Variants in FSTL4 observed in about 807,000 individuals in gnomAD.
FSTL4 encodes follistatin like 4, also known as follistatin-related protein 4.
FSTL4 carries 28 observed loss-of-function variants against 78.2 expected under a neutral mutation model. The observed-to-expected ratio is 0.36, with a 90% CI of 0.27 to 0.49. FSTL4 has a LOEUF of 0.49. Ranked by LOEUF, FSTL4 falls within the 20% of genes least tolerant of loss-of-function variation. The pLI is 0.98. For missense variants in FSTL4, 922 were observed against 1,084.9 expected (o/e 0.85, Z 2.11); for synonymous variants, 422 against 440.5 (o/e 0.96, Z 0.53).
chr5:133,225,728 C>T lies in FSTL4; in HGVS notation c.1107G>A (p.Met369Ile), dbSNP rs1238368967. Residue 369 changes from methionine (M) to isoleucine (I), a missense_variant, in exon 9 of 16, where the codon ATG becomes ATA. Coordinates refer to ENST00000265342, the MANE Select transcript of FSTL4 (RefSeq NM_015082.2). This position sits in a 1 kb window ranked among gnomAD's most constrained non-coding sequence, Gnocchi z 4.6. ...CGTTTTTCAGCCAAGTGATTCTGGG[C>T]ATGGGAATGCCCTCAGCATGGCATC... ...SLRCHAEGIP[M>I]PRITWLKNGV... 1 of 1,612,622 alleles carries T rather than the reference C, an allele frequency of 6.2e-7. No homozygotes were observed. Among genetic ancestry groups the T allele is most frequent in the Non-Finnish European group, 8.5e-7 (1 of 1,179,326 alleles).
chr5:133,307,701 A>G (rs963984032), intron 6 of FSTL4, among the ~76,000 whole-genome samples: 2 of 151,592 alleles, frequency 1.3e-5, no homozygotes, highest in African/African-American at 2.4e-5. Context: ...AGCCCTCTCT[A>G]TGTACTTGAA....
chr5:133,582,373 T>C (rs1760434197), intron 2 of FSTL4, among the ~76,000 whole-genome samples: 1 of 152,136 alleles, frequency 6.6e-6, no homozygotes, highest in Non-Finnish European at 1.5e-5. Context: ...TAGGGTAGTG[T>C]CTATGAGACT....
At chr5:133,371,245 G>A (rs904439124) in intron 4 of FSTL4, among the ~76,000 whole-genome samples, 11 of 152,230 alleles carry the variant, frequency 7.2e-5, no homozygotes, top group African/African-American at 1.9e-4. Context: ...TGTCCACTCC[G>A]AGACTCTGAC....
Position 133,373,172 on chromosome 5 carries a change from T to C in FSTL4, c.409+27566A>G, listed in dbSNP as rs558262823. Among the ~76,000 whole-genome samples the C allele has an allele frequency of 9.0e-4, 137 of 152,346 alleles. No homozygotes were observed. The South Asian group carries it at 0.012, about 14-fold the overall frequency. On this transcript the variant is annotated intron_variant, in intron 4 of 15. Coordinates refer to ENST00000265342, the MANE Select transcript of FSTL4 (RefSeq NM_015082.2). ...TTTTCATAGTTGTCTAAATCACCTA[T>C]TTGGTGCTATTCTGTTAAGGAAGCC... is the stretch of plus-strand genomic sequence containing the variant.
chr5:133,711,436 C>T, the FSTL4 span, among the ~76,000 whole-genome samples: 9 of 152,196 alleles, frequency 5.9e-5, no homozygotes, highest in South Asian at 2.1e-4. Context: ...CCCAGGTGGC[C>T]GCTGAAAGGG....
intron 6 of FSTL4, among the ~76,000 whole-genome samples, chr5:133,292,237 C>G (rs544245034): frequency 6.6e-6 from 1 of 152,238 alleles, no homozygotes; most frequent in African/African-American, 2.4e-5. Flanking sequence ...GCCATGCAGC[C>G]TTCTCTGACC....
At chr5:133,324,169 T>A (rs1361948996) in intron 4 of FSTL4, among the ~76,000 whole-genome samples, 1 of 152,224 alleles carries the variant, frequency 6.6e-6, no homozygotes, top group Non-Finnish European at 1.5e-5. Context: ...CCTGCCAGAC[T>A]GTGCTCAAAG....
the FSTL4 span, among the ~76,000 whole-genome samples, chr5:133,776,767 T>C: frequency 0.17 from 25,528 of 152,134 alleles, 2,310 homozygotes; most frequent in East Asian, 0.37. Flanking sequence ...AGGTTTTCCA[T>C]AGAGGGAAAC....
At chr5:133,403,086 T>A (rs1215533973) in intron 3 of FSTL4, among the ~76,000 whole-genome samples, 2 of 152,222 alleles carry the variant, frequency 1.3e-5, no homozygotes, top group African/African-American at 4.8e-5. Flanking sequence ...CCCTAGAAAG[T>A]GCTGGCGCCT....
the FSTL4 span, among the ~76,000 whole-genome samples, chr5:133,839,417 C>T: frequency 6.6e-6 from 1 of 152,134 alleles, no homozygotes. Flanking sequence ...ATATTCTTTC[C>T]CCCTCTTCCA....
In FSTL4 at chr5:133,611,781, G is replaced by C. The variant is rs769217641; in HGVS notation, c.-11+544C>G. Reference sequence around the variant, plus strand: ...CCAGGCGAAGCGCAGCGGGCCCTTTGGGCTGCAGCGAGGAGACGCAAGTTT... The same window carrying C: ...CCAGGCGAAGCGCAGCGGGCCCTTTCGGCTGCAGCGAGGAGACGCAAGTTT... On this transcript the variant is annotated intron_variant, in intron 1 of 15. Coordinates refer to ENST00000265342, the MANE Select transcript of FSTL4 (RefSeq NM_015082.2). This position sits in a 1 kb window ranked among gnomAD's most constrained non-coding sequence, Gnocchi z 4.9. 3.3e-5 allele frequency among the ~76,000 whole-genome samples: 5 copies of C among 152,268 alleles called. No individual in the cohort carries two copies. Among genetic ancestry groups the C allele is most frequent in the Admixed American group, 3.3e-4 (5 of 15,306 alleles).
chr5:133,222,478 G>A (rs1751171762), intron 11 of FSTL4, among the ~76,000 whole-genome samples: 1 of 152,116 alleles, frequency 6.6e-6, no homozygotes, highest in Admixed American at 6.5e-5. Flanking sequence ...AAACCTAGGG[G>A]CCAGAGGGGT....
At chr5:133,609,174 TGGCA>T (rs1016545196) in intron 1 of FSTL4, among the ~76,000 whole-genome samples, 3 of 152,232 alleles carry the variant, frequency 2.0e-5, no homozygotes, top group African/African-American at 7.2e-5. Flanking sequence ...AAAGATGATT[TGGCA>T]GAACCAAGCA....
the FSTL4 span, among the ~76,000 whole-genome samples, chr5:133,655,426 A>G: frequency 2.6e-5 from 4 of 152,180 alleles, no homozygotes; most frequent in African/African-American, 9.7e-5. Context: ...ATGCCTTCAC[A>G]GCAATTTTCA....
intron 3 of FSTL4, among the ~76,000 whole-genome samples, chr5:133,413,751 C>T (rs1192782418): frequency 6.6e-6 from 1 of 151,926 alleles, no homozygotes. Flanking sequence ...ATGTTGCATT[C>T]TGTATAATTT....
chr5:133,577,895 T>C (rs1384118736), intron 2 of FSTL4, among the ~76,000 whole-genome samples: 2 of 152,132 alleles, frequency 1.3e-5, no homozygotes, highest in Admixed American at 1.3e-4. Flanking sequence ...TAAGACTCTG[T>C]CTCAAAACAA....
intron 14 of FSTL4, among the ~76,000 whole-genome samples, chr5:133,206,846 A>AAAT (rs1750527474): frequency 6.6e-6 from 1 of 152,022 alleles, no homozygotes; most frequent in African/African-American, 2.4e-5. Context: ...TCAATTTCTT[A>AAAT]AATACTTCCT....
chr5:133,697,132 G>A, the FSTL4 span, among the ~76,000 whole-genome samples: 1 of 152,236 alleles, frequency 6.6e-6, no homozygotes, highest in Non-Finnish European at 1.5e-5. Context: ...CTCTGCCAGT[G>A]ACTAGCAGGG....
intron 5 of FSTL4, among the ~76,000 whole-genome samples, chr5:133,313,043 T>G (rs1753824229): frequency 6.6e-6 from 1 of 152,194 alleles, no homozygotes; most frequent in South Asian, 2.1e-4. Context: ...TTTCCTTGTC[T>G]AGGCAGACAG....
Sources: gnomAD v4.1 joint callset for allele counts (sites outside exome capture counted in the v4.1 genomes callset) on GRCh38, gnomAD v4.1.1 for gene constraint, Gnocchi (gnomAD v3.1) non-coding constraint, MANE v1.5 for transcripts, NCBI Gene and HGNC (gene_info 2026-07-23, HGNC 2026-07-21) for gene names.